Variants in KIF16B observed in about 807,000 individuals in gnomAD.
The protein encoded by KIF16B is kinesin-like protein KIF16B.
In KIF16B, 98 loss-of-function variants were observed where a neutral mutation model predicts 156.3. The ratio of observed to expected loss-of-function variants is 0.63; its 90% CI spans 0.53 to 0.74. The LOEUF (loss-of-function observed/expected upper bound fraction) is 0.74. Ranked by LOEUF, KIF16B falls within the 30% of genes least tolerant of loss-of-function variation. The probability of loss-of-function intolerance (pLI) is 0.00; values close to 1 mark genes in which losing one functional copy is unlikely to be tolerated. For missense variants in KIF16B, 1,421 were observed against 1,606.5 expected (o/e 0.88, Z 1.97); for synonymous variants, 564 against 583.7 (o/e 0.97, Z 0.49).
chr20:16,424,691 G>A (rs1049654512), intron 15 of KIF16B, among the ~76,000 whole-genome samples: 4 of 152,114 alleles, frequency 2.6e-5, no homozygotes, highest in Non-Finnish European at 2.9e-5. Flanking sequence ...CAAATGGCAT[G>A]GGCTGAGAAA....
intron 15 of KIF16B, among the ~76,000 whole-genome samples, chr20:16,419,027 C>T (rs1450938301): frequency 6.6e-6 from 1 of 152,008 alleles, no homozygotes; most frequent in Non-Finnish European, 1.5e-5. Context: ...CATAAAAAAC[C>T]CGACTGCAGG....
At chr20:16,572,319 C>A (rs6034535) in intron 1 of KIF16B, among the ~76,000 whole-genome samples, 22,026 of 152,152 alleles carry the variant, frequency 0.14, 1,612 homozygotes, top group Admixed American at 0.17. Context: ...AAACATTAAC[C>A]TCCACAAGTT....
At chr20:16,534,838 T>C (rs1375899718) in intron 1 of KIF16B, among the ~76,000 whole-genome samples, 1 of 152,242 alleles carries the variant, frequency 6.6e-6, no homozygotes, top group East Asian at 1.9e-4. Flanking sequence ...TTCTCTGTTC[T>C]GCTCCATTGG....
chr20:16,507,243 G>A (rs924834563), intron 7 of KIF16B, among the ~76,000 whole-genome samples: 4 of 152,114 alleles, frequency 2.6e-5, no homozygotes, highest in Non-Finnish European at 5.9e-5. Flanking sequence ...AAGTTGTTCT[G>A]ACTGGCCTTA....
At chr20:16,417,458 A>G (rs1046991811) in intron 15 of KIF16B, among the ~76,000 whole-genome samples, 12 of 152,132 alleles carry the variant, frequency 7.9e-5, no homozygotes, top group Non-Finnish European at 1.3e-4. Flanking sequence ...AACAAAGGGT[A>G]TAAACATTTC....
intron 12 of KIF16B, among the ~76,000 whole-genome samples, chr20:16,469,044 G>T (rs1341905308): frequency 3.3e-5 from 5 of 152,072 alleles, no homozygotes; most frequent in Admixed American, 6.5e-5. Context: ...CCTGAGGCTA[G>T]AAACTTGAGA....
At chr20:16,474,596 C>T (rs767079308) in intron 12 of KIF16B, among the ~76,000 whole-genome samples, 3 of 152,186 alleles carry the variant, frequency 2.0e-5, no homozygotes, top group Admixed American at 6.5e-5. Flanking sequence ...AGTTGCTGAG[C>T]GGGGCTTAAA....
chr20:16,321,137 C>T (rs2063766928), intron 24 of KIF16B, among the ~76,000 whole-genome samples: 1 of 152,104 alleles, frequency 6.6e-6, no homozygotes, highest in Non-Finnish European at 1.5e-5. Flanking sequence ...ATCCTCTTAT[C>T]TGTGCCTATT....
chr20:16,488,274 A>G (rs954912159), intron 12 of KIF16B, among the ~76,000 whole-genome samples: 1 of 152,262 alleles, frequency 6.6e-6, no homozygotes, highest in Non-Finnish European at 1.5e-5. Flanking sequence ...TCACAGAGGC[A>G]GCTCTCCCTT....
chr20:16,324,024 G>A (rs1047756684), intron 24 of KIF16B, among the ~76,000 whole-genome samples: 2 of 151,886 alleles, frequency 1.3e-5, no homozygotes, highest in African/African-American at 2.4e-5. Context: ...ATTCATATGT[G>A]CCACAAACAT....
At chr20:16,389,405 G>A (rs2065309189) in intron 17 of KIF16B, among the ~76,000 whole-genome samples, 1 of 152,156 alleles carries the variant, frequency 6.6e-6, no homozygotes. Context: ...CTGGCCTTTT[G>A]CCTGGAATGC....
At chr20:16,561,466 A>T (rs1432791634) in intron 1 of KIF16B, among the ~76,000 whole-genome samples, 2 of 152,140 alleles carry the variant, frequency 1.3e-5, no homozygotes, top group South Asian at 4.1e-4. Flanking sequence ...GTCAGTGGGA[A>T]AAAAAAAGTT....
Position 16,326,398 on chromosome 20 carries a change from T to C in KIF16B, c.3711+9528A>G, listed in dbSNP as rs1050288048. On this transcript the variant is annotated intron_variant, in intron 24 of 25. Coordinates refer to ENST00000354981, the MANE Select transcript of KIF16B (RefSeq NM_024704.5). ...AGTGGGAGAAAATCTTTGCAAACTA[T>C]GTATTCGACAAAGGAATAATATCCA... Among the ~76,000 whole-genome samples the C allele has an allele frequency of 2.6e-5, 4 of 151,014 alleles. No individual in the cohort carries two copies. The South Asian group carries it at 8.4e-4, about 32-fold the overall frequency.
At chr20:16,363,652 C>A (rs567937289) in intron 22 of KIF16B, among the ~76,000 whole-genome samples, 1 of 152,200 alleles carries the variant, frequency 6.6e-6, no homozygotes, top group Admixed American at 6.5e-5. Flanking sequence ...GCAGGACTGC[C>A]CTTCTGTGTT....
At chr20:16,383,675 T>C (rs775389376) in intron 17 of KIF16B, among the ~76,000 whole-genome samples, 1 of 152,238 alleles carries the variant, frequency 6.6e-6, no homozygotes, top group Non-Finnish European at 1.5e-5. Context: ...ATCTTCATAC[T>C]TCAGTAGAGT....
Position 16,415,240 on chromosome 20 carries a change from T to C in KIF16B, c.1613-8784A>G, listed in dbSNP as rs150971392. 6.9e-4 allele frequency among the ~76,000 whole-genome samples: 105 copies of C among 152,270 alleles called. 2 individuals are homozygous for C. In the East Asian group the frequency reaches 0.02, roughly 28 times the overall value. On this transcript the variant is annotated intron_variant, in intron 15 of 25. Transcript: ENST00000354981. ...AGCATTACACAATTGGTCAAGCTATTAGTAACTTTCTTTCCATTCTTGCCC... is the reference window on the plus strand; with the variant it reads ...AGCATTACACAATTGGTCAAGCTATCAGTAACTTTCTTTCCATTCTTGCCC...
intron 1 of KIF16B, among the ~76,000 whole-genome samples, chr20:16,541,449 C>T (rs186644043): frequency 6.6e-5 from 10 of 152,310 alleles, no homozygotes; most frequent in African/African-American, 9.6e-5. Flanking sequence ...GCTGCCAGTA[C>T]GGAAGTACGG....
rs577732949 is a variant in KIF16B, at chr20:16,351,471, C to T, written c.3621+4859G>A. Among the ~76,000 whole-genome samples the T allele has an allele frequency of 2.0e-5, 3 of 152,320 alleles. No individual in the cohort carries two copies. In the East Asian group the frequency reaches 5.8e-4, roughly 29 times the overall value. ...GTCAGTGACTGAGAGGCATGCGAAG[C>T]GGGGTTGTAAGATGACTGCTGTCAT... On this transcript the variant is annotated intron_variant, in intron 23 of 25. Transcript: ENST00000354981.
chr20:16,379,516 T>A lies in KIF16B; in HGVS notation c.2486A>T (p.Lys829Met). The A allele has an allele frequency of 6.2e-7, 1 of 1,614,184 alleles. No homozygotes were observed. The highest frequency in any genetic ancestry group is 1.1e-5 in the South Asian group (1 of 91,086). ...CACTAGCTTGACAAGCTGCCTTCTCTTGAATTCGAAGAAACGCAGTTGAGC... is the reference window on the plus strand; with the variant it reads ...CACTAGCTTGACAAGCTGCCTTCTCATGAATTCGAAGAAACGCAGTTGAGC... Reference protein sequence around the residue: ...EKAQLRFFEFKRRQLVKLVNL... With the variant: ...EKAQLRFFEFMRRQLVKLVNL... Residue 829 changes from lysine (K) to methionine (M), a missense_variant, in exon 19 of 26, where the codon AAG becomes ATG. Physicochemically the swap from Lys to Met is moderately conservative, Grantham distance 95 (BLOSUM62 -1). Transcript: ENST00000354981.
Sources: gnomAD v4.1 joint callset for allele counts (sites outside exome capture counted in the v4.1 genomes callset) on GRCh38, gnomAD v4.1.1 for gene constraint, MANE v1.5 for transcripts, NCBI Gene and HGNC (gene_info 2026-07-23, HGNC 2026-07-21) for gene names.